Variants in ASAP1 observed in about 807,000 individuals in gnomAD.
ASAP1 encodes ArfGAP with SH3 domain, ankyrin repeat and PH domain 1.
Under a neutral mutation model 145.2 loss-of-function variants are expected in ASAP1, and 43 were observed. That is an observed-to-expected ratio of 0.30 (90% CI 0.23 to 0.38). The LOEUF (loss-of-function observed/expected upper bound fraction) is 0.38, where lower values mean the gene tolerates loss of function less well. ASAP1 is among the 10% of genes least tolerant of loss of function. The pLI is 1.00. For synonymous variants in ASAP1, 546 were observed against 515.5 expected (o/e 1.06, Z -0.80); for missense variants, 1,018 against 1,355.3 (o/e 0.75, Z 3.91).
chr8:130,354,767 TG>T lies in ASAP1; in HGVS notation c.186+3249del, dbSNP rs150535813. Among the ~76,000 whole-genome samples the T allele has an allele frequency of 6.2e-3, 952 of 152,326 alleles. 9 individuals carry two copies. Among genetic ancestry groups the T allele is most frequent in the African/African-American group, 0.022 (923 of 41,570 alleles). On this transcript the variant is annotated intron_variant, in intron 3 of 29. Coordinates refer to ENST00000518721, the MANE Select transcript of ASAP1 (RefSeq NM_018482.4). ...GGCAGAACACCAGCTCATCCATTCC[TG>T]CCTCCCCAAGGTAGCCACTCATTGT...
intron 29 of ASAP1, among the ~76,000 whole-genome samples, chr8:130,057,524 C>T (rs1285102582): frequency 6.6e-6 from 1 of 152,120 alleles, no homozygotes; most frequent in Non-Finnish European, 1.5e-5. Flanking sequence ...TCTCATCTCA[C>T]TGCAACCTGT....
chr8:130,198,526 T>C (rs1815660984), intron 5 of ASAP1, among the ~76,000 whole-genome samples: 1 of 152,204 alleles, frequency 6.6e-6, no homozygotes, highest in Non-Finnish European at 1.5e-5. Context: ...TGTAAGATAA[T>C]GCAGCCCATT....
chr8:130,260,257 C>T (rs1465187655), intron 3 of ASAP1, among the ~76,000 whole-genome samples: 2 of 152,250 alleles, frequency 1.3e-5, no homozygotes, highest in Non-Finnish European at 2.9e-5. Flanking sequence ...TATACCATCA[C>T]AGTCTCTTCC....
intron 3 of ASAP1, among the ~76,000 whole-genome samples, chr8:130,259,556 T>C (rs1565145875): frequency 1.3e-5 from 2 of 152,188 alleles, no homozygotes; most frequent in Non-Finnish European, 2.9e-5. Flanking sequence ...CTTTGTGGGC[T>C]GGTTATGACT....
chr8:130,212,200 T>C (rs369550751), intron 5 of ASAP1, among the ~76,000 whole-genome samples: 1 of 152,220 alleles, frequency 6.6e-6, no homozygotes, highest in East Asian at 1.9e-4. Context: ...GTTTTCTTAG[T>C]AACCAAACTA....
At chr8:130,152,315 T>C (rs1165336075) in intron 13 of ASAP1, among the ~76,000 whole-genome samples, 2 of 152,050 alleles carry the variant, frequency 1.3e-5, no homozygotes, top group Admixed American at 1.3e-4. Context: ...CTGAAAAGAG[T>C]TTTCTGTTGG....
intron 13 of ASAP1, among the ~76,000 whole-genome samples, chr8:130,146,603 T>C (rs937181118): frequency 4.6e-5 from 7 of 152,228 alleles, no homozygotes; most frequent in Non-Finnish European, 1.0e-4. Flanking sequence ...ACAAGGTTAC[T>C]GAATACATTA....
intron 4 of ASAP1, among the ~76,000 whole-genome samples, chr8:130,216,142 G>C (rs1163456089): frequency 6.6e-6 from 1 of 152,118 alleles, no homozygotes; most frequent in Non-Finnish European, 1.5e-5. Context: ...AAACAATCTT[G>C]GATTGCAAAA....
chr8:130,078,670 T>C (rs2097470585), intron 26 of ASAP1, among the ~76,000 whole-genome samples: 1 of 151,702 alleles, frequency 6.6e-6, no homozygotes, highest in Non-Finnish European at 1.5e-5. Context: ...TTTTACAGGG[T>C]CCCCCAAATT....
intron 3 of ASAP1, among the ~76,000 whole-genome samples, chr8:130,254,782 T>G (rs2136902427): frequency 6.6e-6 from 1 of 152,218 alleles, no homozygotes; most frequent in East Asian, 1.9e-4. Flanking sequence ...GGTACACAGG[T>G]TTTCAAGCTA....
intron 2 of ASAP1, chr8:130,361,629 G>T: frequency 1.4e-6 from 2 of 1,379,670 alleles, no homozygotes; most frequent in Non-Finnish European, 1.0e-6. Flanking sequence ...TCCTCAGACT[G>T]GTCTGCAATT....
intron 3 of ASAP1, among the ~76,000 whole-genome samples, chr8:130,245,643 A>G (rs1443354350): frequency 6.6e-6 from 1 of 152,214 alleles, no homozygotes; most frequent in African/African-American, 2.4e-5. Context: ...ACGTAGGCAT[A>G]AATTATCTGT....
At chr8:130,164,688 T>C (rs2097676409) in intron 11 of ASAP1, among the ~76,000 whole-genome samples, 2 of 152,174 alleles carry the variant, frequency 1.3e-5, no homozygotes, top group East Asian at 1.9e-4. Context: ...TATAATTTCA[T>C]AGAACATTTA....
intron 1 of ASAP1, among the ~76,000 whole-genome samples, chr8:130,402,599 G>T (rs1010363133): frequency 2.0e-5 from 3 of 152,120 alleles, no homozygotes; most frequent in Non-Finnish European, 2.9e-5. Flanking sequence ...AAAATAAATT[G>T]AGCCAAGGGA....
intron 23 of ASAP1, among the ~76,000 whole-genome samples, chr8:130,115,052 G>C (rs1227425995): frequency 6.6e-6 from 1 of 152,188 alleles, no homozygotes; most frequent in Non-Finnish European, 1.5e-5. Context: ...GAGCCACCAT[G>C]CCTAGCTTCA....
chr8:130,419,097 G>A (rs533701014), intron 1 of ASAP1, among the ~76,000 whole-genome samples: 3 of 152,140 alleles, frequency 2.0e-5, no homozygotes, highest in Admixed American at 6.5e-5. Context: ...GGTCCCGCAC[G>A]CATTGTCTCA....
At position 130,060,858 on chromosome 8, in the gene ASAP1, C is replaced by G. The variant is rs758150325; in HGVS notation, c.2913G>C (p.Leu971=). Residue 971 remains leucine, a synonymous_variant, in exon 28 of 30, where the codon CTG becomes CTC. Transcript: ENST00000518721. The part of the protein sequence containing the change: ...ELPPKPQLGD[L]PPKPQLSDLP... ...AGTCTGAGAGTTGGGGTTTGGGTGG[C>G]AGGTCCCCCAGCTGTGGTTTGGGGG... 6.2e-7 allele frequency: 1 copy of G among 1,613,782 alleles called. No individual in the cohort carries two copies. The highest frequency in any genetic ancestry group is 1.7e-5 in the Admixed American group (1 of 59,960).
intron 1 of ASAP1, among the ~76,000 whole-genome samples, chr8:130,437,365 A>G (rs1260072308): frequency 6.6e-6 from 1 of 152,220 alleles, no homozygotes; most frequent in Non-Finnish European, 1.5e-5. Flanking sequence ...CAGCTGTAAT[A>G]ACGGCTACCA....
At chr8:130,240,342 A>C (rs951069430) in intron 3 of ASAP1, among the ~76,000 whole-genome samples, 1 of 152,064 alleles carries the variant, frequency 6.6e-6, no homozygotes, top group Non-Finnish European at 1.5e-5. Context: ...ACTGGCAAAA[A>C]TAAGCTAAAT....
Sources: allele counts gnomAD v4.1 joint callset (sites outside exome capture counted in the v4.1 genomes callset), GRCh38; gene constraint gnomAD v4.1.1; transcripts MANE v1.5; gene names NCBI Gene and HGNC (gene_info 2026-07-23, HGNC 2026-07-21).